NT5C1A: variants seen among roughly 807,000 people sequenced by gnomAD.
NT5C1A encodes the protein 5'-nucleotidase, cytosolic IA, also known as cytosolic 5'-nucleotidase 1A.
In NT5C1A, 18 loss-of-function variants were observed where a neutral mutation model predicts 31.0. The observed-to-expected ratio is 0.58, with a 90% CI of 0.40 to 0.86. The LOEUF (loss-of-function observed/expected upper bound fraction) is 0.86, where lower values mean the gene tolerates loss of function less well. NT5C1A is among the 40% of genes least tolerant of loss of function. The pLI is 0.00. For missense variants in NT5C1A, 470 were observed against 505.4 expected, an observed-to-expected ratio of 0.93 and a Z score of 0.67; for synonymous variants, 185 against 203.6, an observed-to-expected ratio of 0.91 and a Z score of 0.78.
chr1:39,657,439 G>C lies in NT5C1A; in HGVS notation c.*1682C>G, dbSNP rs1646469636. 6.6e-6 allele frequency among the ~76,000 whole-genome samples: 1 copy of C among 152,172 alleles called. No homozygotes were observed. Among genetic ancestry groups the C allele is most frequent in the African/African-American group, 2.4e-5 (1 of 41,454 alleles). Reference sequence around the variant, plus strand: ...CCTATTTCCTACCACCACATCTCCAGGCTTCTGCCCCTCTCATGATACTTT... The same window carrying C: ...CCTATTTCCTACCACCACATCTCCACGCTTCTGCCCCTCTCATGATACTTT... On this transcript the variant is annotated 3_prime_UTR_variant, in exon 6 of 6. Coordinates refer to ENST00000235628, the MANE Select transcript of NT5C1A (RefSeq NM_032526.3).
Position 39,651,669 on chromosome 1 carries a change from C to T in NT5C1A, c.*7452G>A, listed in dbSNP as rs1382573014. On this transcript the variant is annotated 3_prime_UTR_variant, in exon 6 of 6. Coordinates refer to ENST00000235628, the MANE Select transcript of NT5C1A (RefSeq NM_032526.3). The stretch of plus-strand genomic sequence containing the variant: ...TTTCATTTTTCATCGTATTCTATAT[C>T]GGAGGTTATTGAGATGCTCTTAAGT... Among the ~76,000 whole-genome samples the T allele has an allele frequency of 2.6e-5, 4 of 152,094 alleles. No homozygotes were observed. The highest frequency in any genetic ancestry group is 4.4e-5 in the Non-Finnish European group (3 of 68,018).
At chr1:39,668,094 C>T (rs1178766537) in intron 1 of NT5C1A, among the ~76,000 whole-genome samples, 2 of 152,222 alleles carry the variant, frequency 1.3e-5, no homozygotes, top group African/African-American at 4.8e-5. Flanking sequence ...GAGGTTCAAC[C>T]CAAATACCTT....
At chr1:39,662,471 G>A (rs1390589599) in intron 4 of NT5C1A, among the ~76,000 whole-genome samples, 1 of 152,214 alleles carries the variant, frequency 6.6e-6, no homozygotes, top group African/African-American at 2.4e-5. Flanking sequence ...TGTGACATCT[G>A]TCTAGGGAAA....
chr1:39,665,973 A>G, intron 2 of NT5C1A, 96 bp downstream of exon 2: 1 of 1,161,474 alleles, frequency 8.6e-7, no homozygotes, highest in South Asian at 1.5e-5. Context: ...ATCTGCCCAG[A>G]GGGGCCCTTT....
In NT5C1A at chr1:39,654,289, G is replaced by A. The variant is rs61781398; in HGVS notation, c.*4832C>T. Among the ~76,000 whole-genome samples, 3 of 152,164 alleles carry A rather than the reference G, an allele frequency of 2.0e-5. No homozygotes were observed. The highest frequency in any genetic ancestry group is 2.1e-4 in the South Asian group (1 of 4,828). On this transcript the variant is annotated 3_prime_UTR_variant, in exon 6 of 6. Transcript: ENST00000235628. ...TCACTTGATCAGTAACTTCTGAACC[G>A]GCTAAAGTCCTCACGGGACCCTCTT... is the stretch of plus-strand genomic sequence containing the variant.
At chr1:39,668,966 A>C (rs1161766676) in intron 1 of NT5C1A, among the ~76,000 whole-genome samples, 1 of 152,168 alleles carries the variant, frequency 6.6e-6, no homozygotes, top group Non-Finnish European at 1.5e-5. Flanking sequence ...AGCAGGTGAA[A>C]TGGGCTGGCC....
At chr1:39,666,940 G>A (rs1028501586) in intron 1 of NT5C1A, among the ~76,000 whole-genome samples, 8 of 152,268 alleles carry the variant, frequency 5.3e-5, no homozygotes, top group Admixed American at 4.6e-4. Context: ...CACTTCTTTC[G>A]TTCAGGCCAT....
Position 39,665,559 on chromosome 1 carries a change from T to G in NT5C1A, c.395A>C (p.Gln132Pro). 1 of 1,613,572 alleles carries G rather than the reference T, an allele frequency of 6.2e-7. No individual in the cohort carries two copies. Among genetic ancestry groups the G allele is most frequent in the Non-Finnish European group, 8.5e-7 (1 of 1,179,922 alleles). Reference protein sequence around the residue: ...DIVLMTNNHAQVGVRLINSIN... With the variant: ...DIVLMTNNHAPVGVRLINSIN... Reference sequence around the variant, plus strand: ...ACTGTTGATGAGGCGGACACCCACTTGAGCATGGTTGTTAGTCATGAGGAC... The same window carrying G: ...ACTGTTGATGAGGCGGACACCCACTGGAGCATGGTTGTTAGTCATGAGGAC... Residue 132 changes from glutamine to proline, a missense_variant, in exon 3 of 6, where the codon CAA (glutamine) becomes CCA (proline). By Grantham distance (76) the Gln-to-Pro change is moderately conservative (BLOSUM62 -1). Coordinates refer to ENST00000235628, the MANE Select transcript of NT5C1A (RefSeq NM_032526.3).
intron 4 of NT5C1A, among the ~76,000 whole-genome samples, chr1:39,662,067 C>G (rs912150580): frequency 6.6e-6 from 1 of 152,224 alleles, no homozygotes; most frequent in Non-Finnish European, 1.5e-5. Flanking sequence ...GCTAGAGCTG[C>G]ACTAGATGGC....
In NT5C1A at chr1:39,652,590, G is replaced by A. The variant is rs1368050735; in HGVS notation, c.*6531C>T. On this transcript the variant is annotated 3_prime_UTR_variant, in exon 6 of 6. Coordinates refer to ENST00000235628, the MANE Select transcript of NT5C1A (RefSeq NM_032526.3). ...GGCAGTTAGCTACAAGACTAGCCTTGAGGCCTTTACCCTAATTCCGTGGCA... is the reference window on the plus strand; with the variant it reads ...GGCAGTTAGCTACAAGACTAGCCTTAAGGCCTTTACCCTAATTCCGTGGCA... 1.3e-5 allele frequency among the ~76,000 whole-genome samples: 2 copies of A among 152,100 alleles called. No homozygotes were observed. Among genetic ancestry groups the A allele is most frequent in the Non-Finnish European group, 2.9e-5 (2 of 68,018 alleles).
At position 39,665,608 on chromosome 1, in the gene NT5C1A, C is replaced by G. The variant is rs777212996; in HGVS notation, c.346G>C (p.Asp116His). 1 of 1,613,414 alleles carries G rather than the reference C, an allele frequency of 6.2e-7. No individual in the cohort carries two copies. The highest frequency in any genetic ancestry group is 8.5e-7 in the Non-Finnish European group (1 of 1,179,948). The change falls in exon 3 of 6, where the codon GAT becomes CAT. Residue 116 changes from aspartate (D) to histidine (H), a missense_variant. Transcript: ENST00000235628. ...ACGATGTCGAAGACGTCCTCACTATCAGGGTACAGCTCCCGCAGCCGCCTG... is the reference window on the plus strand; with the variant it reads ...ACGATGTCGAAGACGTCCTCACTATGAGGGTACAGCTCCCGCAGCCGCCTG... ...VNRRLRELYPDSEDVFDIVLM... is the reference protein window; with the variant it reads ...VNRRLRELYPHSEDVFDIVLM...
rs1383832396 is a variant in NT5C1A, at chr1:39,652,629, G to A, written c.*6492C>T. The stretch of plus-strand genomic sequence containing the variant: ...AATTCCGTGGCAGATGGCCATGAAG[G>A]CATATATTCACCCACAGGCCAGGAG... On this transcript the variant is annotated 3_prime_UTR_variant, in exon 6 of 6. Transcript: ENST00000235628. Among the ~76,000 whole-genome samples the A allele has an allele frequency of 1.3e-5, 2 of 152,068 alleles. No homozygotes were observed. Among genetic ancestry groups the A allele is most frequent in the East Asian group, 1.9e-4 (1 of 5,182 alleles).
intron 1 of NT5C1A, among the ~76,000 whole-genome samples, chr1:39,667,566 C>T (rs769415431): frequency 6.6e-6 from 1 of 152,152 alleles, no homozygotes; most frequent in Admixed American, 6.5e-5. Flanking sequence ...CCTGATCATC[C>T]GTGGGTCATG....
At position 39,652,475 on chromosome 1, in the gene NT5C1A, G is replaced by A. The variant is rs1196080683; in HGVS notation, c.*6646C>T. Reference sequence around the variant, plus strand: ...TCCTCTCCACTCATTTATGTTTCCTGCCTCGCCCCTGTAGGCATTGGGGTT... The same window carrying A: ...TCCTCTCCACTCATTTATGTTTCCTACCTCGCCCCTGTAGGCATTGGGGTT... On this transcript the variant is annotated 3_prime_UTR_variant, in exon 6 of 6. Transcript: ENST00000235628. Among the ~76,000 whole-genome samples the A allele has an allele frequency of 2.0e-5, 3 of 152,058 alleles. No individual in the cohort carries two copies. Among genetic ancestry groups the A allele is most frequent in the African/African-American group, 7.2e-5 (3 of 41,416 alleles).
At chr1:39,664,490 C>CCTCTCCTCCT (rs1553485417) in intron 3 of NT5C1A, among the ~76,000 whole-genome samples, 1 of 2,894 alleles carries the variant, frequency 3.5e-4, no homozygotes, top group African/African-American at 1.8e-3. Context: ...GTGGATTTCT[C>CCTCTCCTCCT]CTCCTCTCCT....
In NT5C1A at chr1:39,661,026, G is replaced by T. The variant is rs1344759090; in HGVS notation, c.741+53C>A. On this transcript the variant is annotated intron_variant, in intron 5 of 5. Coordinates refer to ENST00000235628, the MANE Select transcript of NT5C1A (RefSeq NM_032526.3). ...AGGCTGGGAGTGCAGGCCAAGGGCA[G>T]GTCTGGGGAGCTGCCTTGTTCCTCT... 17 of 1,139,198 alleles carry T rather than the reference G, an allele frequency of 1.5e-5. No homozygotes were observed. In the South Asian group the frequency reaches 2.1e-4, roughly 14 times the overall value. 70.6% of individuals were successfully genotyped at this position (1,139,198 alleles called of 1,614,324 possible). A position where few individuals can be genotyped will look rare whatever the true frequency, so the allele number is the denominator to read the frequency against.
Position 39,653,063 on chromosome 1 carries a change from G to A in NT5C1A, c.*6058C>T, listed in dbSNP as rs1043831517. On this transcript the variant is annotated 3_prime_UTR_variant, in exon 6 of 6. Coordinates refer to ENST00000235628, the MANE Select transcript of NT5C1A (RefSeq NM_032526.3). ...GTGCACAATCTGCCCAACTGGACAC[G>A]TTGGCCTTGGCACTGTTAGGGGGAG... Among the ~76,000 whole-genome samples the A allele has an allele frequency of 3.9e-5, 6 of 152,166 alleles. No homozygotes were observed. The highest frequency in any genetic ancestry group is 1.9e-4 in the East Asian group (1 of 5,198).
intron 1 of NT5C1A, among the ~76,000 whole-genome samples, chr1:39,671,238 TTGACACCACCACAGG>T (rs1443052339): frequency 6.6e-6 from 1 of 152,146 alleles, no homozygotes; most frequent in Non-Finnish European, 1.5e-5. Context: ...TCCCAGACGG[TTGACACCACCACAGG>T]GTCGTGGGGA....
rs200499911 is a variant in NT5C1A, at chr1:39,661,181, G to A, written c.639C>T (p.Asp213=). ...QSQLRVAFDG[D]AVLFSDESER... is the part of the protein sequence containing the mutation. ...CCGACTCGTCCGAGAAGAGCACGGC[G>A]TCCCCATCGAAGGCCACGCGCAGCT... Residue 213 remains aspartate (D), a synonymous_variant, in exon 5 of 6, where the codon GAC becomes GAT. Coordinates refer to ENST00000235628, the MANE Select transcript of NT5C1A (RefSeq NM_032526.3). The A allele has an allele frequency of 2.6e-5, 41 of 1,600,806 alleles. No homozygotes were observed. Among genetic ancestry groups the A allele is most frequent in the South Asian group, 2.2e-4 (20 of 90,712 alleles).
Sources: gnomAD v4.1 joint callset for allele counts (sites outside exome capture counted in the v4.1 genomes callset) on GRCh38, gnomAD v4.1.1 for gene constraint, MANE v1.5 for transcripts, NCBI Gene and HGNC (gene_info 2026-07-23, HGNC 2026-07-21) for gene names.